ROBO1: variants seen among roughly 807,000 people sequenced by gnomAD.
ROBO1 encodes roundabout guidance receptor 1, also known as roundabout homolog 1.
In ROBO1, 149 loss-of-function variants were observed where a neutral mutation model predicts 195.9. The ratio of observed to expected loss-of-function variants is 0.76; its 90% CI spans 0.67 to 0.87. ROBO1 has a LOEUF of 0.87. Among genes scored for constraint, ROBO1 ranks in the 40% least tolerant of loss-of-function variants. ROBO1 has a pLI of 0.00. For synonymous variants in ROBO1, 816 were observed against 733.2 expected, an observed-to-expected ratio of 1.11 and a Z score of -1.82; for missense variants, 1,933 against 2,068.3, an observed-to-expected ratio of 0.93 and a Z score of 1.27.
At chr3:79,292,319 C>A (rs1401481474) in intron 2 of ROBO1, among the ~76,000 whole-genome samples, 3 of 152,168 alleles carry the variant, frequency 2.0e-5, no homozygotes, top group Non-Finnish European at 4.4e-5. Context: ...ATGTCATCTG[C>A]AAACAGAGAC....
At chr3:79,681,483 G>A (rs1337565982) in intron 1 of ROBO1, among the ~76,000 whole-genome samples, 1 of 152,016 alleles carries the variant, frequency 6.6e-6, no homozygotes, top group African/African-American at 2.4e-5. Context: ...AGTAGGAAAT[G>A]AGTGGGGGAT....
intron 1 of ROBO1, among the ~76,000 whole-genome samples, chr3:79,756,333 C>T (rs754645516): frequency 2.0e-5 from 3 of 151,960 alleles, no homozygotes; most frequent in Non-Finnish European, 4.4e-5. Flanking sequence ...GGGCGGTTCA[C>T]GAGGTTAGGA....
chr3:79,483,008 A>C (rs1178511300), intron 2 of ROBO1, among the ~76,000 whole-genome samples: 1 of 152,200 alleles, frequency 6.6e-6, no homozygotes, highest in Non-Finnish European at 1.5e-5. Flanking sequence ...TGAAACGGCA[A>C]AAGGGAATTA....
intron 25 of ROBO1, among the ~76,000 whole-genome samples, chr3:78,630,072 T>C (rs1383060289): frequency 6.6e-6 from 1 of 152,224 alleles, no homozygotes; most frequent in African/African-American, 2.4e-5. Context: ...TAAAGAAATA[T>C]ATCTACGAAA....
chr3:79,240,708 C>T (rs1392830750), intron 2 of ROBO1, among the ~76,000 whole-genome samples: 2 of 151,998 alleles, frequency 1.3e-5, no homozygotes, highest in East Asian at 3.9e-4. Context: ...GTGCAGTGGC[C>T]TGATCAGGGC....
At chr3:79,673,267 T>C (rs1946682684) in intron 1 of ROBO1, among the ~76,000 whole-genome samples, 1 of 152,006 alleles carries the variant, frequency 6.6e-6, no homozygotes, top group Non-Finnish European at 1.5e-5. Flanking sequence ...GTAACAATTT[T>C]TATAAATTCA....
chr3:79,105,126 C>T (rs2079754136), intron 3 of ROBO1, among the ~76,000 whole-genome samples: 1 of 151,632 alleles, frequency 6.6e-6, no homozygotes, highest in South Asian at 2.1e-4. Context: ...AACCATAAAG[C>T]AAAATATGAT....
intron 2 of ROBO1, among the ~76,000 whole-genome samples, chr3:79,266,079 T>G (rs1394419688): frequency 6.6e-6 from 1 of 151,544 alleles, no homozygotes; most frequent in Non-Finnish European, 1.5e-5. Context: ...CCATTGTAAA[T>G]CAATGCATTT....
intron 3 of ROBO1, chr3:79,018,592 T>A (rs2078017170): frequency 1.3e-6 from 2 of 1,488,490 alleles, no homozygotes; most frequent in Non-Finnish European, 1.8e-6. Flanking sequence ...TAGCCAAGAG[T>A]TTTCAGGGCA....
chr3:79,185,321 T>A (rs2081418275), intron 2 of ROBO1, among the ~76,000 whole-genome samples: 1 of 152,132 alleles, frequency 6.6e-6, no homozygotes, highest in Non-Finnish European at 1.5e-5. Context: ...GAGATGGTCA[T>A]AGAGGTTAAG....
intron 2 of ROBO1, among the ~76,000 whole-genome samples, chr3:79,165,457 C>T (rs916742265): frequency 2.0e-5 from 3 of 152,174 alleles, no homozygotes; most frequent in African/African-American, 7.2e-5. Flanking sequence ...CTCCAAGAGA[C>T]TTTTCCATTA....
intron 2 of ROBO1, among the ~76,000 whole-genome samples, chr3:79,140,954 G>A (rs539380885): frequency 6.6e-6 from 1 of 152,206 alleles, no homozygotes; most frequent in African/African-American, 2.4e-5. Context: ...TAATTGCCTG[G>A]TTGCTTTGTG....
intron 2 of ROBO1, among the ~76,000 whole-genome samples, chr3:79,356,933 T>C (rs1313430001): frequency 6.6e-6 from 1 of 152,188 alleles, no homozygotes; most frequent in African/African-American, 2.4e-5. Flanking sequence ...ATAATGTCAA[T>C]GTTCTCTGTT....
intron 1 of ROBO1, among the ~76,000 whole-genome samples, chr3:79,622,976 T>G (rs372120309): frequency 2.8e-4 from 43 of 152,316 alleles, no homozygotes; most frequent in African/African-American, 1.0e-3. Context: ...GCACCCATCT[T>G]TGCTATTCTC....
intron 2 of ROBO1, among the ~76,000 whole-genome samples, chr3:79,219,434 C>T (rs564411371): frequency 5.9e-5 from 9 of 151,952 alleles, no homozygotes; most frequent in South Asian, 2.1e-4. Flanking sequence ...GAATCTTCGG[C>T]TATCTCCTGT....
At chr3:78,876,095 A>AT (rs2035828247) in intron 4 of ROBO1, among the ~76,000 whole-genome samples, 9 of 152,084 alleles carry the variant, frequency 5.9e-5, no homozygotes, top group Non-Finnish European at 8.8e-5. Flanking sequence ...AGGAAAGGTT[A>AT]CTCACAGTTA....
intron 2 of ROBO1, among the ~76,000 whole-genome samples, chr3:79,384,141 A>T (rs1299894398): frequency 1.3e-5 from 2 of 152,022 alleles, no homozygotes; most frequent in African/African-American, 4.8e-5. Flanking sequence ...TTAACTTGAC[A>T]TTTAACAACA....
chr3:79,381,642 A>G (rs541411718), intron 2 of ROBO1, among the ~76,000 whole-genome samples: 1 of 152,062 alleles, frequency 6.6e-6, no homozygotes, highest in Non-Finnish European at 1.5e-5. Context: ...ACTCTAGCCT[A>G]GTGTAATGGA....
chr3:78,973,338 G>T (rs1033813369), intron 3 of ROBO1, among the ~76,000 whole-genome samples: 3 of 149,972 alleles, frequency 2.0e-5, no homozygotes, highest in Non-Finnish European at 4.4e-5. Flanking sequence ...TATCATCCAT[G>T]TCCCCTTTGT....
Sources: gnomAD v4.1 joint callset for allele counts (sites outside exome capture counted in the v4.1 genomes callset) on GRCh38, gnomAD v4.1.1 for gene constraint, MANE v1.5 for transcripts, NCBI Gene and HGNC (gene_info 2026-07-23, HGNC 2026-07-21) for gene names.